EXOC4: variants seen among roughly 807,000 people sequenced by gnomAD.
EXOC4 encodes SEC8-like 1.
A neutral mutation model predicts 107.2 loss-of-function variants in EXOC4; 71 were observed. The ratio of observed to expected loss-of-function variants is 0.66; its 90% CI spans 0.55 to 0.81. EXOC4 has a LOEUF of 0.81. EXOC4 is among the 30% of genes least tolerant of loss of function. The pLI, the probability that EXOC4 is intolerant of heterozygous loss-of-function variation, is 0.00. For synonymous variants in EXOC4, 456 were observed against 441.2 expected (o/e 1.03, Z -0.42); for missense variants, 1,108 against 1,189.6 (o/e 0.93, Z 1.01).
intron 10 of EXOC4, among the ~76,000 whole-genome samples, chr7:133,659,163 T>C (rs1215294614): frequency 6.6e-6 from 1 of 152,030 alleles, no homozygotes; most frequent in Non-Finnish European, 1.5e-5. Flanking sequence ...GACTGTGATG[T>C]GAGGGCAGTT....
intron 9 of EXOC4, among the ~76,000 whole-genome samples, chr7:133,534,195 T>A (rs1330534613): frequency 6.6e-6 from 1 of 152,182 alleles, no homozygotes; most frequent in Non-Finnish European, 1.5e-5. Flanking sequence ...TTTGTTGCCA[T>A]TTTTGATTTA....
chr7:134,044,250 A>G (rs544252354), intron 17 of EXOC4, among the ~76,000 whole-genome samples: 3 of 152,266 alleles, frequency 2.0e-5, no homozygotes, highest in Admixed American at 1.3e-4. Flanking sequence ...AGTAATCAAT[A>G]AGGCCACATC....
chr7:133,280,172 G>A (rs984765796), intron 2 of EXOC4, among the ~76,000 whole-genome samples: 1 of 152,158 alleles, frequency 6.6e-6, no homozygotes, highest in African/African-American at 2.4e-5. Flanking sequence ...AAGGCTCATA[G>A]GCTCAGCCTT....
intron 11 of EXOC4, among the ~76,000 whole-genome samples, chr7:133,885,295 A>G (rs1365785223): frequency 2.0e-5 from 3 of 150,994 alleles, no homozygotes; most frequent in Non-Finnish European, 4.4e-5. Context: ...GCCTGGTGAC[A>G]GAGTGAGACC....
At chr7:133,750,583 A>C (rs1014217852) in intron 10 of EXOC4, among the ~76,000 whole-genome samples, 1 of 25,090 alleles carries the variant, frequency 4.0e-5, no homozygotes, top group African/African-American at 1.9e-4. Flanking sequence ...ACTTGTTTTT[A>C]ACCTTTTTTT....
At chr7:133,800,041 AC>A (rs1796903739) in intron 10 of EXOC4, among the ~76,000 whole-genome samples, 1 of 28,784 alleles carries the variant, frequency 3.5e-5, no homozygotes, top group African/African-American at 1.2e-4. Flanking sequence ...CCATCCATCC[AC>A]CCACCCACCC....
intron 10 of EXOC4, among the ~76,000 whole-genome samples, chr7:133,654,675 G>A (rs562373922): frequency 8.5e-5 from 13 of 152,194 alleles, no homozygotes; most frequent in East Asian, 3.9e-4. Context: ...TTGCTCAGGC[G>A]TCATTCATAA....
At chr7:133,778,914 A>T (rs1008593127) in intron 10 of EXOC4, among the ~76,000 whole-genome samples, 7 of 152,250 alleles carry the variant, frequency 4.6e-5, no homozygotes, top group African/African-American at 1.7e-4. Flanking sequence ...AGTGTTAATT[A>T]GGATTTCATG....
At chr7:133,971,550 T>C (rs971296459) in intron 14 of EXOC4, among the ~76,000 whole-genome samples, 8 of 151,944 alleles carry the variant, frequency 5.3e-5, no homozygotes, top group Non-Finnish European at 8.8e-5. Flanking sequence ...TAGATTTTTC[T>C]ATCAAGAGGT....
intron 11 of EXOC4, among the ~76,000 whole-genome samples, chr7:133,856,516 T>A (rs775328575): frequency 5.9e-5 from 9 of 152,230 alleles, no homozygotes. Context: ...TCTCACTGTG[T>A]GTGCAGCTCC....
intron 14 of EXOC4, among the ~76,000 whole-genome samples, chr7:133,990,114 ATCTTT>A (rs1267349152): frequency 1.3e-5 from 2 of 152,174 alleles, no homozygotes; most frequent in Non-Finnish European, 2.9e-5. Context: ...TCAAACATTT[ATCTTT>A]TCTTTATGTT....
intron 10 of EXOC4, among the ~76,000 whole-genome samples, chr7:133,650,414 TGCA>T (rs1028485237): frequency 5.9e-5 from 9 of 152,178 alleles, no homozygotes; most frequent in Non-Finnish European, 8.8e-5. Flanking sequence ...CTTGAGATTG[TGCA>T]TTTCCTTTCT....
intron 17 of EXOC4, among the ~76,000 whole-genome samples, chr7:134,032,370 C>G (rs1218785109): frequency 6.6e-6 from 1 of 152,194 alleles, no homozygotes; most frequent in Non-Finnish European, 1.5e-5. Context: ...CTTACTGTTG[C>G]TGCTGTCATC....
chr7:133,904,440 C>T (rs1317665337), intron 12 of EXOC4, among the ~76,000 whole-genome samples: 2 of 152,196 alleles, frequency 1.3e-5, no homozygotes, highest in African/African-American at 4.8e-5. Context: ...AACTCTATCT[C>T]TCTTGGACTA....
chr7:133,542,260 C>A (rs1436391536), intron 9 of EXOC4, among the ~76,000 whole-genome samples: 2 of 150,490 alleles, frequency 1.3e-5, no homozygotes, highest in African/African-American at 2.4e-5. Context: ...TTAGGTTCAA[C>A]AAAGTATAGA....
intron 7 of EXOC4, among the ~76,000 whole-genome samples, chr7:133,417,706 C>G (rs1000134810): frequency 2.0e-5 from 3 of 152,120 alleles, no homozygotes; most frequent in Non-Finnish European, 4.4e-5. Context: ...CTCTTGCTTG[C>G]TGTGATCCTT....
intron 3 of EXOC4, among the ~76,000 whole-genome samples, chr7:133,290,309 A>G (rs114424529): frequency 0.02 from 3,026 of 152,288 alleles, 84 homozygotes; most frequent in African/African-American, 0.069. Context: ...AAGAACCCCA[A>G]TAAACAACAA....
At chr7:133,345,781 C>G (rs1331704444) in intron 5 of EXOC4, among the ~76,000 whole-genome samples, 1 of 152,216 alleles carries the variant, frequency 6.6e-6, no homozygotes, top group African/African-American at 2.4e-5. Context: ...TGCGCAAACT[C>G]CTCACTTCAT....
At chr7:133,409,518 C>G (rs1238413498) in intron 7 of EXOC4, among the ~76,000 whole-genome samples, 1 of 152,136 alleles carries the variant, frequency 6.6e-6, no homozygotes, top group Admixed American at 6.6e-5. Flanking sequence ...AGTTGATTTG[C>G]TTTTGTTTCC....
Sources: allele counts gnomAD v4.1 joint callset (sites outside exome capture counted in the v4.1 genomes callset), GRCh38; gene constraint gnomAD v4.1.1; transcripts MANE v1.5; gene names NCBI Gene and HGNC (gene_info 2026-07-23, HGNC 2026-07-21).